The following KCNQ4 variants were observed in gnomAD, a reference collection of about 807,000 sequenced individuals.
KCNQ4 encodes the protein potassium voltage-gated channel subfamily KQT member 4.
Under a neutral mutation model 72.6 loss-of-function variants are expected in KCNQ4, and 31 were observed. The observed-to-expected ratio is 0.43, with a 90% confidence interval of 0.32 to 0.58. The LOEUF (loss-of-function observed/expected upper bound fraction) is 0.58, where lower values mean the gene tolerates loss of function less well. KCNQ4 is among the 20% of genes least tolerant of loss of function. The pLI is 0.08. For missense variants in KCNQ4, 869 were observed against 962.6 expected (o/e 0.90, Z 1.29); for synonymous variants, 405 against 403.7 (o/e 1.00, Z -0.04).
At chr1:40,806,223 A>C (rs1374073620) in intron 1 of KCNQ4, among the ~76,000 whole-genome samples, 1 of 152,216 alleles carries the variant, frequency 6.6e-6, no homozygotes, top group Non-Finnish European at 1.5e-5. Context: ...GAACCGAGGG[A>C]AGGTTTCCAC....
intron 9 of KCNQ4, among the ~76,000 whole-genome samples, chr1:40,829,080 G>A (rs1016539807): frequency 6.6e-6 from 1 of 152,266 alleles, no homozygotes; most frequent in Non-Finnish European, 1.5e-5. Context: ...TTTTGACAGG[G>A]AGGTTGCCCT....
chr1:40,837,290 G>A (rs766492006), intron 12 of KCNQ4, among the ~76,000 whole-genome samples: 1 of 152,132 alleles, frequency 6.6e-6, no homozygotes, highest in Non-Finnish European at 1.5e-5. Flanking sequence ...AGGAGGGCTT[G>A]CTATGTTGCC....
chr1:40,835,171 C>T, intron 12 of KCNQ4, 73 bp downstream of exon 12: 4 of 1,561,420 alleles, frequency 2.6e-6, no homozygotes, highest in Non-Finnish European at 3.5e-6. Flanking sequence ...AGTCTGAGGC[C>T]AACCCCCGAG....
chr1:40,818,178 C>A lies in KCNQ4; in HGVS notation c.420C>A (p.Ile140=), dbSNP rs762957513. The A allele has an allele frequency of 6.2e-7, 1 of 1,614,024 alleles. No individual in the cohort carries two copies. Among genetic ancestry groups the A allele is most frequent in the Non-Finnish European group, 8.5e-7 (1 of 1,180,028 alleles). ...ECLLILEFVM[I]VVFGLEYIVR... ...TGGTCCCACAGGAATTCGTGATGAT[C>A]GTGGTTTTCGGCTTGGAGTACATCG... The change falls in exon 3 of 14, where the codon ATC becomes ATA. Residue 140 remains isoleucine, a synonymous_variant. Coordinates refer to ENST00000347132, the MANE Select transcript of KCNQ4 (RefSeq NM_004700.4).
At chr1:40,822,284 C>T (rs1372417457) in intron 7 of KCNQ4, 30 bp from the exon 8 acceptor site, 2 of 1,574,064 alleles carry the variant, frequency 1.3e-6, no homozygotes, top group Middle Eastern at 1.7e-4. Flanking sequence ...CTCACTGATG[C>T]CCCATCCCCC....
At chr1:40,809,534 C>G (rs1553166711) in intron 1 of KCNQ4, among the ~76,000 whole-genome samples, 1 of 152,192 alleles carries the variant, frequency 6.6e-6, no homozygotes, top group Non-Finnish European at 1.5e-5. Flanking sequence ...AAGTTGTTCT[C>G]CTTCCTAGTT....
intron 5 of KCNQ4, among the ~76,000 whole-genome samples, 158 bp downstream of exon 5, chr1:40,819,630 C>A (rs1386411965): frequency 1.3e-5 from 2 of 151,486 alleles, no homozygotes; most frequent in Non-Finnish European, 2.9e-5. Flanking sequence ...CCAATGCTAA[C>A]CCCCCAACCT....
chr1:40,809,909 A>G (rs1570818243), intron 1 of KCNQ4, among the ~76,000 whole-genome samples: 1 of 152,120 alleles, frequency 6.6e-6, no homozygotes, highest in Admixed American at 6.5e-5. Context: ...TACTAAAAAT[A>G]CAAAACTTAG....
chr1:40,838,436 C>T lies in KCNQ4; in HGVS notation c.2001C>T (p.Asp667=). The change falls in exon 14 of 14, where the codon GAC becomes GAT. Residue 667 remains aspartate, a synonymous_variant. Transcript: ENST00000347132. Reference sequence around the variant, plus strand: ...TGTTCGACCCCGACATCACCTCCGACTACCACAGCCCTGTGGACCACGAGG... The same window carrying T: ...TGTTCGACCCCGACATCACCTCCGATTACCACAGCCCTGTGGACCACGAGG... ...VPLFDPDITS[D]YHSPVDHEDI... is the part of the protein sequence containing the mutation. 6.2e-7 allele frequency: 1 copy of T among 1,614,158 alleles called. No homozygotes were observed. Among genetic ancestry groups the T allele is most frequent in the Non-Finnish European group, 8.5e-7 (1 of 1,179,978 alleles).
rs1648700859 is a variant in KCNQ4 at position 40,833,112 on chromosome 1, A to G, written c.1612A>G (p.Arg538Gly). 5 of 1,609,400 alleles carry G rather than the reference A, an allele frequency of 3.1e-6. No individual in the cohort carries two copies. The highest frequency in any genetic ancestry group is 4.2e-6 in the Non-Finnish European group (5 of 1,178,536). Residue 538 changes from arginine to glycine, a missense_variant and splice_region_variant, in exon 11 of 14, where the codon AGG becomes GGG. Arg to Gly is a moderately radical substitution (Grantham distance 125). Transcript: ENST00000347132. ...PAVKTVIRSI[R>G]ILKFLVAKRK... ...TGTGAAGACAGTCATCCGCTCCATC[A>G]GGTAAGACTGAGGCCTGAGGCGAGC...
intron 1 of KCNQ4, among the ~76,000 whole-genome samples, chr1:40,814,804 T>G (rs1367708026): frequency 2.6e-5 from 4 of 152,220 alleles, no homozygotes; most frequent in African/African-American, 7.2e-5. Flanking sequence ...TAAGCCTTGC[T>G]GACTCTGGGT....
chr1:40,799,122 C>G (rs1010810699), intron 1 of KCNQ4, among the ~76,000 whole-genome samples: 1 of 152,272 alleles, frequency 6.6e-6, no homozygotes, highest in African/African-American at 2.4e-5. Flanking sequence ...GCTCAGATCC[C>G]TGGCATACAC....
chr1:40,787,057 G>C lies in KCNQ4; in HGVS notation c.314+2650G>C, dbSNP rs139983444. Among the ~76,000 whole-genome samples the C allele has an allele frequency of 7.0e-3, 1,070 of 152,276 alleles. 12 individuals carry two copies. The highest frequency in any genetic ancestry group is 0.024 in the African/African-American group (1,015 of 41,544). On this transcript the variant is annotated intron_variant, in intron 1 of 13. Transcript: ENST00000347132. ...TAGGACCCCCTTCCCAGAGACGCAGGCTGTGGCAGGAGGGGCCCCAGCAGA... is the reference window on the plus strand; with the variant it reads ...TAGGACCCCCTTCCCAGAGACGCAGCCTGTGGCAGGAGGGGCCCCAGCAGA...
intron 1 of KCNQ4, among the ~76,000 whole-genome samples, chr1:40,804,656 A>C (rs566185335): frequency 1.3e-5 from 2 of 151,786 alleles, no homozygotes; most frequent in African/African-American, 4.8e-5. Context: ...TCTCTACAAA[A>C]AATAAATATA....
chr1:40,810,267 G>A (rs1647896250), intron 1 of KCNQ4, among the ~76,000 whole-genome samples: 2 of 152,144 alleles, frequency 1.3e-5, no homozygotes, highest in African/African-American at 2.4e-5. Context: ...TGCTTCCTCT[G>A]CCTGGGGCAC....
chr1:40,823,635 C>T (rs1360222273), intron 8 of KCNQ4, among the ~76,000 whole-genome samples: 13 of 152,124 alleles, frequency 8.5e-5, no homozygotes, highest in Admixed American at 3.9e-4. Flanking sequence ...GCCACGGTCC[C>T]GAATCTAGTC....
rs184174948 is a variant in KCNQ4 at position 40,805,880 on chromosome 1, C to T, written c.315-11385C>T. Among the ~76,000 whole-genome samples, 269 of 151,810 alleles carry T rather than the reference C, an allele frequency of 1.8e-3. 1 individual carries two copies. Among genetic ancestry groups the T allele is most frequent in the South Asian group, 5.8e-3 (28 of 4,814 alleles). On this transcript the variant is annotated intron_variant, in intron 1 of 13. Transcript: ENST00000347132. ...TTTTTAAGATGGAGTCTTGCTCTGT[C>T]GCCCAGGCTGGAGTGCAGTGGCGCA...
Position 40,819,478 on chromosome 1 carries a change from T to G in KCNQ4, c.834+6T>G. 6.2e-7 allele frequency: 1 copy of G among 1,613,740 alleles called. No homozygotes were observed. The highest frequency in any genetic ancestry group is 8.5e-7 in the Non-Finnish European group (1 of 1,179,868). On this transcript the variant is annotated splice_donor_region_variant and intron_variant, in intron 5 of 13. Transcript: ENST00000347132. ...ACTCGCTCTGGTGGGGGACGGTGCG[T>G]GAGGGTCTTTGTAGGGCTGCCCTTC...
chr1:40,818,510 A>C lies in KCNQ4; in HGVS notation c.538A>C (p.Ile180Leu). ...ARKPFCVIDF[I>L]VFVASVAVIA... is the part of the protein sequence containing the mutation. ...CGCCGCCCCCGCCCCTGCAGACTTCATCGTGTTCGTGGCCTCGGTGGCCGT... is the reference window on the plus strand; with the variant it reads ...CGCCGCCCCCGCCCCTGCAGACTTCCTCGTGTTCGTGGCCTCGGTGGCCGT... Residue 180 changes from isoleucine to leucine, a missense_variant, in exon 4 of 14, where the codon ATC (isoleucine) becomes CTC (leucine). This residue lies in a region of KCNQ4 where 179 missense variants were observed against 243.0 expected (regional missense o/e 0.74). Transcript: ENST00000347132. 1 of 1,600,672 alleles carries C rather than the reference A, an allele frequency of 6.2e-7. No homozygotes were observed. Among genetic ancestry groups the C allele is most frequent in the Non-Finnish European group, 8.5e-7 (1 of 1,179,690 alleles).
Sources: allele counts gnomAD v4.1 joint callset (sites outside exome capture counted in the v4.1 genomes callset), GRCh38; gene constraint gnomAD v4.1.1; regional missense constraint gnomAD v4.1.1; transcripts MANE v1.5; gene names NCBI Gene and HGNC (gene_info 2026-07-23, HGNC 2026-07-21).